AHCYL2: variants seen among roughly 807,000 people sequenced by gnomAD.
AHCYL2 encodes the protein adenosylhomocysteinase like 2, also known as S-adenosylhomocysteine hydrolase-like protein 2.
AHCYL2 carries 28 observed loss-of-function variants against 81.4 expected under a neutral mutation model. The ratio of observed to expected loss-of-function variants is 0.34; its 90% CI spans 0.25 to 0.47. The LOEUF (loss-of-function observed/expected upper bound fraction) is 0.47. AHCYL2 is among the 20% of genes least tolerant of loss of function. The pLI is 1.00. For synonymous variants in AHCYL2, 272 were observed against 290.2 expected, an observed-to-expected ratio of 0.94 and a Z score of 0.64; for missense variants, 551 against 785.1, an observed-to-expected ratio of 0.70 and a Z score of 3.56.
intron 1 of AHCYL2, among the ~76,000 whole-genome samples, chr7:129,256,216 G>GA (rs1795414914): frequency 6.6e-6 from 1 of 151,932 alleles, no homozygotes; most frequent in Admixed American, 6.6e-5. Context: ...GTAGGACTAG[G>GA]AAAAAATAAT....
At chr7:129,404,749 G>A (rs1047743360) in intron 7 of AHCYL2, among the ~76,000 whole-genome samples, 1 of 152,098 alleles carries the variant, frequency 6.6e-6, no homozygotes, top group Non-Finnish European at 1.5e-5. Context: ...TGGCAGGCAG[G>A]GAGACCAGTG....
chr7:129,419,236 T>C lies in AHCYL2; in HGVS notation c.1462-3604T>C, dbSNP rs994893150. Among the ~76,000 whole-genome samples, 4 of 152,182 alleles carry C rather than the reference T, an allele frequency of 2.6e-5. No homozygotes were observed. Among genetic ancestry groups the C allele is most frequent in the African/African-American group, 9.7e-5 (4 of 41,440 alleles). On this transcript the variant is annotated intron_variant, in intron 12 of 16. Transcript: ENST00000325006. This position sits in a 1 kb window ranked among gnomAD's most constrained non-coding sequence, Gnocchi z 4.7. ...CTCCACTGTCTTTTGGCCGTATCTT[T>C]CTTTTATATGTTTGCTTTGTCTTAA... is the stretch of plus-strand genomic sequence containing the variant.
At position 129,245,562 on chromosome 7, in the gene AHCYL2, ATTT is replaced by A. The variant is rs1795023263; in HGVS notation, c.363+20124_363+20126del. Reference sequence around the variant, plus strand: ...CACCATTCTATTTTGTCTTTTATGAATTTGACTTCTCTAGGTACCTTATATAAG... The same window carrying A: ...CACCATTCTATTTTGTCTTTTATGAAGACTTCTCTAGGTACCTTATATAAG... On this transcript the variant is annotated intron_variant, in intron 1 of 16. Transcript: ENST00000325006. Among the ~76,000 whole-genome samples, 5 of 141,652 alleles carry A rather than the reference ATTT, an allele frequency of 3.5e-5. No individual in the cohort carries two copies. The Admixed American group carries it at 3.7e-4, about 10-fold the overall frequency. The allele number at this position is 141,652 out of a possible 152,430, so 92.9% of individuals were successfully genotyped here. A position where few individuals can be genotyped will look rare whatever the true frequency, so the allele number is the denominator to read the frequency against.
At chr7:129,232,738 AAGTGTTAGC>A (rs1794491596) in intron 1 of AHCYL2, among the ~76,000 whole-genome samples, 1 of 152,238 alleles carries the variant, frequency 6.6e-6, no homozygotes. Context: ...CAACAGTGGC[AAGTGTTAGC>A]ACTTAGTATC....
chr7:129,263,874 T>A (rs73722908), intron 1 of AHCYL2, among the ~76,000 whole-genome samples: 505 of 152,298 alleles, frequency 3.3e-3, no homozygotes, highest in African/African-American at 0.012. Flanking sequence ...GGGATTCTTT[T>A]AGAGTTACCT....
chr7:129,318,130 A>T (rs994372183), intron 1 of AHCYL2, among the ~76,000 whole-genome samples: 1 of 152,244 alleles, frequency 6.6e-6, no homozygotes, highest in African/African-American at 2.4e-5. Flanking sequence ...CTAAGATTAT[A>T]TGGAAGAGTC....
chr7:129,378,801 A>G (rs1442018396), intron 1 of AHCYL2, among the ~76,000 whole-genome samples: 2 of 152,062 alleles, frequency 1.3e-5, no homozygotes, highest in Non-Finnish European at 2.9e-5. Flanking sequence ...GTACCTTGCA[A>G]TTTTCTCATC....
At chr7:129,244,181 T>TG (rs1794968103) in intron 1 of AHCYL2, among the ~76,000 whole-genome samples, 1 of 151,598 alleles carries the variant, frequency 6.6e-6, no homozygotes, top group Admixed American at 6.6e-5. Flanking sequence ...TTTTTTTTTT[T>TG]TCTGTAGATA....
Position 129,349,297 on chromosome 7 carries a change from T to C in AHCYL2, c.364-30341T>C, listed in dbSNP as rs138389652. ...TAATCTTTAGGTAGAGACCTAAATC[T>C]TGACTGAGGGATAAAATTGGAGGTT... On this transcript the variant is annotated intron_variant, in intron 1 of 16. Coordinates refer to ENST00000325006, the MANE Select transcript of AHCYL2 (RefSeq NM_015328.4). Among the ~76,000 whole-genome samples the C allele has an allele frequency of 6.6e-5, 10 of 151,998 alleles. No individual in the cohort carries two copies. In the East Asian group the frequency reaches 1.9e-3, roughly 29 times the overall value.
At chr7:129,251,254 CT>C (rs1385288937) in intron 1 of AHCYL2, among the ~76,000 whole-genome samples, 4 of 150,526 alleles carry the variant, frequency 2.7e-5, no homozygotes, top group Admixed American at 1.3e-4. Context: ...ATTGTAAACT[CT>C]ACAGGACTTA....
Position 129,406,348 on chromosome 7 carries a change from C to T in AHCYL2, c.1207-30C>T. Reference sequence around the variant, plus strand: ...AGAAATGGTTTTCTCAGTGACTTTCCTTAATATGTGTGCTCTCTCCCCTCT... The same window carrying T: ...AGAAATGGTTTTCTCAGTGACTTTCTTTAATATGTGTGCTCTCTCCCCTCT... On this transcript the variant is annotated intron_variant, in intron 9 of 16. Coordinates refer to ENST00000325006, the MANE Select transcript of AHCYL2 (RefSeq NM_015328.4). The surrounding 1 kb of genome is among the most constrained non-coding windows in gnomAD (Gnocchi z 4.3). 6.2e-7 allele frequency: 1 copy of T among 1,604,186 alleles called. No homozygotes were observed. The highest frequency in any genetic ancestry group is 1.1e-5 in the South Asian group (1 of 90,804).
At chr7:129,343,580 T>G (rs1236073072) in intron 1 of AHCYL2, among the ~76,000 whole-genome samples, 2 of 152,292 alleles carry the variant, frequency 1.3e-5, no homozygotes, top group Non-Finnish European at 2.9e-5. Context: ...AAGATAATTC[T>G]GTGGGGAAAA....
At chr7:129,345,001 G>A (rs562065132) in intron 1 of AHCYL2, among the ~76,000 whole-genome samples, 5 of 151,992 alleles carry the variant, frequency 3.3e-5, no homozygotes, top group African/African-American at 9.6e-5. Context: ...CTAAAAATAC[G>A]AAAATTAGCC....
In AHCYL2 at chr7:129,230,941, G is replaced by C. The variant is rs1317835568; in HGVS notation, c.363+5502G>C. Reference sequence around the variant, plus strand: ...CTGACAGTTTCTTTTTATTTATTGCGTGGTTGAAGGTCTTACCGTGTGTTT... The same window carrying C: ...CTGACAGTTTCTTTTTATTTATTGCCTGGTTGAAGGTCTTACCGTGTGTTT... On this transcript the variant is annotated intron_variant, in intron 1 of 16. Transcript: ENST00000325006. Among the ~76,000 whole-genome samples the C allele has an allele frequency of 2.6e-5, 4 of 152,052 alleles. No individual in the cohort carries two copies. The East Asian group carries it at 7.7e-4, about 29-fold the overall frequency.
intron 1 of AHCYL2, among the ~76,000 whole-genome samples, chr7:129,318,593 T>C (rs1030551502): frequency 1.3e-5 from 2 of 152,300 alleles, no homozygotes; most frequent in Non-Finnish European, 2.9e-5. Flanking sequence ...GGGTAGCCAA[T>C]ATGGAAAATA....
chr7:129,303,295 G>A (rs1797315076), intron 1 of AHCYL2, among the ~76,000 whole-genome samples: 1 of 152,170 alleles, frequency 6.6e-6, no homozygotes, highest in African/African-American at 2.4e-5. Context: ...CACCATGCCT[G>A]GCCGACTGAG....
chr7:129,305,973 A>C (rs558097602), intron 1 of AHCYL2, among the ~76,000 whole-genome samples: 72 of 152,226 alleles, frequency 4.7e-4, no homozygotes, highest in Non-Finnish European at 7.6e-4. Context: ...ATGTATTTGG[A>C]GCTCCATTGT....
At chr7:129,396,613 AGGG>A (rs1795755210) in intron 4 of AHCYL2, among the ~76,000 whole-genome samples, 1 of 151,856 alleles carries the variant, frequency 6.6e-6, no homozygotes, top group Non-Finnish European at 1.5e-5. Flanking sequence ...TAGTAGAGAT[AGGG>A]TTTCACCATG....
At chr7:129,244,529 G>T (rs1794980590) in intron 1 of AHCYL2, among the ~76,000 whole-genome samples, 1 of 152,146 alleles carries the variant, frequency 6.6e-6, no homozygotes, top group Non-Finnish European at 1.5e-5. Flanking sequence ...TCAATGTCTG[G>T]TGTGGCCTAG....
Sources: gnomAD v4.1 joint callset for allele counts (sites outside exome capture counted in the v4.1 genomes callset) on GRCh38, gnomAD v4.1.1 for gene constraint, Gnocchi (gnomAD v3.1) non-coding constraint, MANE v1.5 for transcripts, NCBI Gene and HGNC (gene_info 2026-07-23, HGNC 2026-07-21) for gene names.